ATAD2B: variants seen among roughly 807,000 people sequenced by gnomAD.
ATAD2B encodes ATPase family AAA domain-containing protein 2B.
In ATAD2B, 40 loss-of-function variants were observed where a neutral mutation model predicts 167.6. The ratio of observed to expected loss-of-function variants is 0.24; its 90% CI spans 0.19 to 0.31. The LOEUF is 0.31. Ranked by LOEUF, ATAD2B falls within the 10% of genes least tolerant of loss-of-function variation. ATAD2B has a pLI of 1.00. For missense variants in ATAD2B, 1,242 were observed against 1,757.2 expected (o/e 0.71, Z 5.24); for synonymous variants, 579 against 596.5 (o/e 0.97, Z 0.43).
chr2:23,873,038 C>T, intron 8 of ATAD2B: 1 of 610,338 alleles, frequency 1.6e-6, no homozygotes, highest in South Asian at 1.8e-5. Flanking sequence ...GGAGGCCCTA[C>T]ATCAATTTTT....
chr2:23,797,734 T>C (rs1682841784), intron 19 of ATAD2B, among the ~76,000 whole-genome samples: 1 of 152,164 alleles, frequency 6.6e-6, no homozygotes, highest in African/African-American at 2.4e-5. Context: ...GAAGGTAATT[T>C]TATACAATGT....
At chr2:23,803,421 T>C (rs981303775) in intron 18 of ATAD2B, among the ~76,000 whole-genome samples, 16 of 152,154 alleles carry the variant, frequency 1.1e-4, no homozygotes, top group African/African-American at 3.6e-4. Flanking sequence ...GTGAGAGCTA[T>C]TGAAAACCTA....
At chr2:23,691,722 C>T in the ATAD2B span, 3 of 1,551,804 alleles carry the variant, frequency 1.9e-6, no homozygotes, top group East Asian at 7.3e-5. Context: ...TGGAGCTCGT[C>T]CTGTCGAACC....
the ATAD2B span, among the ~76,000 whole-genome samples, chr2:23,731,551 C>T: frequency 3.9e-5 from 6 of 152,182 alleles, no homozygotes. Context: ...TAGATCAGTG[C>T]TGTCCAACAG....
At chr2:23,844,499 T>A (rs1045436480) in intron 13 of ATAD2B, among the ~76,000 whole-genome samples, 1 of 120,758 alleles carries the variant, frequency 8.3e-6, no homozygotes, top group Admixed American at 8.1e-5. Context: ...ATATTAGAAT[T>A]GCCAAAGGCA....
intron 13 of ATAD2B, among the ~76,000 whole-genome samples, chr2:23,850,152 A>G (rs1692340591): frequency 2.0e-5 from 3 of 151,948 alleles, no homozygotes; most frequent in Admixed American, 2.0e-4. Flanking sequence ...AAAAAAAAAA[A>G]AAAAAATGAC....
intron 22 of ATAD2B, among the ~76,000 whole-genome samples, chr2:23,777,196 T>C (rs1187067067): frequency 6.6e-6 from 1 of 152,204 alleles, no homozygotes; most frequent in Non-Finnish European, 1.5e-5. Context: ...CTGACACTTT[T>C]ATTTTGAATT....
chr2:23,754,410 T>C (rs990538209), intron 26 of ATAD2B, 103 bp from the exon 27 acceptor site: 24 of 1,265,958 alleles, frequency 1.9e-5, no homozygotes, highest in Non-Finnish European at 2.3e-5. Flanking sequence ...AGCGAGGATG[T>C]AACAGTGAAC....
chr2:23,824,181 C>T (rs1277981296), intron 15 of ATAD2B, among the ~76,000 whole-genome samples: 6 of 152,164 alleles, frequency 3.9e-5, no homozygotes, highest in African/African-American at 1.2e-4. Context: ...AGGCTGGTCT[C>T]AAACTCCTGG....
At chr2:23,889,294 A>T (rs1699131411) in intron 2 of ATAD2B, among the ~76,000 whole-genome samples, 1 of 151,936 alleles carries the variant, frequency 6.6e-6, no homozygotes, top group African/African-American at 2.4e-5. Context: ...CAGCCTCCCA[A>T]GTAGCTGGAA....
At chr2:23,781,845 C>T (rs1680117600) in intron 22 of ATAD2B, among the ~76,000 whole-genome samples, 1 of 149,750 alleles carries the variant, frequency 6.7e-6, no homozygotes, top group Non-Finnish European at 1.5e-5. Context: ...AAGGCTATCG[C>T]TATGTTGCCC....
intron 17 of ATAD2B, among the ~76,000 whole-genome samples, chr2:23,810,767 T>C (rs907051547): frequency 3.8e-4 from 58 of 152,130 alleles, no homozygotes; most frequent in African/African-American, 1.3e-3. Context: ...TCCTAGCACT[T>C]TGGGAGGCCA....
intron 1 of ATAD2B, among the ~76,000 whole-genome samples, chr2:23,920,105 G>A (rs995481287): frequency 4.0e-5 from 6 of 150,654 alleles, no homozygotes; most frequent in Admixed American, 6.6e-5. Flanking sequence ...GAGGCGACAT[G>A]GAGCCACTGT....
At position 23,887,822 on chromosome 2, in the gene ATAD2B, G is replaced by T; in HGVS notation, c.572+10C>A. 6.4e-7 allele frequency: 1 copy of T among 1,567,884 alleles called. No homozygotes were observed. The highest frequency in any genetic ancestry group is 8.6e-7 in the Non-Finnish European group (1 of 1,161,908). On this transcript the variant is annotated intron_variant, in intron 4 of 27. Coordinates refer to ENST00000238789, the MANE Select transcript of ATAD2B (RefSeq NM_017552.4). The stretch of plus-strand genomic sequence containing the variant: ...ATTAAATGAAACTGCTTAATACTTG[G>T]CATTCATACCTATTTACTAGTTGAT...
chr2:23,703,825 G>A, the ATAD2B span: 1 of 1,537,520 alleles, frequency 6.5e-7, no homozygotes, highest in Non-Finnish European at 8.7e-7. Flanking sequence ...GAAACATTAA[G>A]GCGGGCCCAA....
intron 22 of ATAD2B, among the ~76,000 whole-genome samples, chr2:23,766,533 C>A (rs757517608): frequency 6.6e-6 from 1 of 152,100 alleles, no homozygotes; most frequent in Non-Finnish European, 1.5e-5. Flanking sequence ...AAACATGCAC[C>A]ACTCAAAGGC....
At chr2:23,775,826 A>G (rs913749515) in intron 22 of ATAD2B, among the ~76,000 whole-genome samples, 12 of 152,082 alleles carry the variant, frequency 7.9e-5, no homozygotes, top group African/African-American at 2.7e-4. Context: ...TCTCCTGCCC[A>G]CTTCTTTCAA....
chr2:23,781,490 C>T (rs1400773187), intron 22 of ATAD2B, among the ~76,000 whole-genome samples: 1 of 151,996 alleles, frequency 6.6e-6, no homozygotes, highest in Non-Finnish European at 1.5e-5. Context: ...CATGGTGAAA[C>T]CCCATCTCTA....
chr2:23,762,462 G>C, intron 23 of ATAD2B, 116 bp from the exon 24 acceptor site: 1 of 923,962 alleles, frequency 1.1e-6, no homozygotes, highest in South Asian at 2.3e-5. Context: ...TTATACTAGG[G>C]CAGTTTGCAG....
Sources: gnomAD v4.1 joint callset for allele counts (sites outside exome capture counted in the v4.1 genomes callset) on GRCh38, gnomAD v4.1.1 for gene constraint, MANE v1.5 for transcripts, NCBI Gene and HGNC (gene_info 2026-07-23, HGNC 2026-07-21) for gene names.